HADHB: variants seen among roughly 807,000 people sequenced by gnomAD.
HADHB encodes the protein trifunctional enzyme subunit beta, mitochondrial.
HADHB carries 50 observed loss-of-function variants against 61.9 expected under a neutral mutation model. That is an observed-to-expected ratio of 0.81 (90% CI 0.64 to 1.02). The LOEUF (loss-of-function observed/expected upper bound fraction) is 1.02, where lower values mean the gene tolerates loss of function less well. Among genes scored for constraint, HADHB ranks in the 50% least tolerant of loss-of-function variants. The pLI, the probability that HADHB is intolerant of heterozygous loss-of-function variation, is 0.00. For missense variants in HADHB, 504 were observed against 586.5 expected (o/e 0.86, Z 1.45); for synonymous variants, 191 against 201.6 (o/e 0.95, Z 0.45).
intron 3 of HADHB, among the ~76,000 whole-genome samples, chr2:26,258,446 G>C (rs1671721597): frequency 6.6e-6 from 1 of 152,230 alleles, no homozygotes; most frequent in Admixed American, 6.5e-5. Context: ...ACGAACCTGG[G>C]CACTTGGCCG....
intron 15 of HADHB, 33 bp from the exon 16 acceptor site, chr2:26,289,885 C>T: frequency 6.6e-7 from 1 of 1,510,504 alleles, no homozygotes; most frequent in Non-Finnish European, 9.2e-7. Context: ...CATCACCATT[C>T]ATTGCTCTAA....
Position 26,282,986 on chromosome 2 carries a change from C to G in HADHB, c.1014-18C>G, listed in dbSNP as rs751832876. The G allele has an allele frequency of 1.3e-5, 21 of 1,605,952 alleles. No homozygotes were observed. The highest frequency in any genetic ancestry group is 2.2e-5 in the East Asian group (1 of 44,850). ...TTTATTTTATTACCAAAGCTCACCT[C>G]TCTATTTTTTTACCTAGGGATTTTA... On this transcript the variant is annotated intron_variant, in intron 11 of 15. Coordinates refer to ENST00000317799, the MANE Select transcript of HADHB (RefSeq NM_000183.3).
chr2:26,282,558 C>T (rs1020348018), intron 10 of HADHB, among the ~76,000 whole-genome samples: 1 of 152,194 alleles, frequency 6.6e-6, no homozygotes, highest in Non-Finnish European at 1.5e-5. Flanking sequence ...TGAGCCACCA[C>T]GCTTGGCCAT....
chr2:26,288,386 C>T (rs545679706), intron 15 of HADHB, among the ~76,000 whole-genome samples: 2 of 152,248 alleles, frequency 1.3e-5, no homozygotes, highest in East Asian at 3.9e-4. Flanking sequence ...CCTATCCCTG[C>T]TCTTTTTTTG....
chr2:26,284,499 G>T (rs1335544375), intron 13 of HADHB, among the ~76,000 whole-genome samples: 31 of 141,926 alleles, frequency 2.2e-4, no homozygotes, highest in African/African-American at 7.6e-4. Context: ...GTCTTGCTCT[G>T]TTGCCCCAGC....
chr2:26,258,225 G>A lies in HADHB; in HGVS notation c.109+3751G>A, dbSNP rs547780957. Among the ~76,000 whole-genome samples the A allele has an allele frequency of 1.3e-3, 196 of 152,220 alleles. 1 individual carries two copies. Among genetic ancestry groups the A allele is most frequent in the Non-Finnish European group, 2.3e-3 (159 of 68,008 alleles). ...CTGATAACTCAAGTCCCATTGTTAC[G>A]GGTGGGCCTTTGTTCTTAGAGCTCC... is the stretch of plus-strand genomic sequence containing the variant. On this transcript the variant is annotated intron_variant, in intron 3 of 15. Coordinates refer to ENST00000317799, the MANE Select transcript of HADHB (RefSeq NM_000183.3).
Position 26,290,109 on chromosome 2 carries a change from A to G in HADHB, c.*156A>G, listed in dbSNP as rs1265498069. On this transcript the variant is annotated 3_prime_UTR_variant, in exon 16 of 16. Coordinates refer to ENST00000317799, the MANE Select transcript of HADHB (RefSeq NM_000183.3). ...AAATAGTTTGCACTTAAGCCTTGCC[A>G]GTGTTCTGAGCTTTTCAATAATCAG... is the stretch of plus-strand genomic sequence containing the variant. 8 of 711,546 alleles carry G rather than the reference A, an allele frequency of 1.1e-5. No individual in the cohort carries two copies. Among genetic ancestry groups the G allele is most frequent in the Admixed American group, 1.9e-5 (1 of 52,624 alleles). The allele number at this position is 711,546 out of a possible 1,614,324, so 44.1% of individuals were successfully genotyped here.
intron 4 of HADHB, among the ~76,000 whole-genome samples, chr2:26,269,098 G>A (rs1402670171): frequency 6.6e-6 from 1 of 150,816 alleles, no homozygotes; most frequent in Non-Finnish European, 1.5e-5. Flanking sequence ...GCAGTGAGCT[G>A]AGATTGCGCC....
intron 14 of HADHB, 123 bp downstream of exon 14, chr2:26,285,080 A>G: frequency 1.5e-6 from 1 of 681,652 alleles, no homozygotes; most frequent in Non-Finnish European, 2.6e-6. Context: ...TTTGTCTTTC[A>G]TTAAAGATAT....
chr2:26,244,956 G>A lies in HADHB; in HGVS notation c.-43G>A, dbSNP rs761468805. On this transcript the variant is annotated 5_prime_UTR_variant, in exon 1 of 16. Coordinates refer to ENST00000317799, the MANE Select transcript of HADHB (RefSeq NM_000183.3). ...GCCTTGGTACTTGGACCTGAACCTT[G>A]CTCCGAGAGGGAGTCCTCGCGGACG... 7.0e-5 allele frequency: 23 copies of A among 326,792 alleles called. No individual in the cohort carries two copies. The highest frequency in any genetic ancestry group is 1.3e-4 in the Non-Finnish European group (21 of 166,576). The allele number at this position is 326,792 out of a possible 1,614,324, so 20.2% of individuals were successfully genotyped here.
intron 4 of HADHB, among the ~76,000 whole-genome samples, chr2:26,266,870 T>TAAAAAAAAAA (rs1326163569): frequency 7.2e-5 from 1 of 13,850 alleles, no homozygotes; most frequent in African/African-American, 2.9e-4. Flanking sequence ...ACACTCTCTC[T>TAAAAAAAAAA]CAAAAAAAAA....
chr2:26,264,491 A>C (rs995049626), intron 4 of HADHB, among the ~76,000 whole-genome samples: 1 of 142,516 alleles, frequency 7.0e-6, no homozygotes, highest in East Asian at 2.1e-4. Context: ...TCAAGGCTGC[A>C]GTGAGCCGTG....
At chr2:26,280,971 G>GGTAT (rs1409961478) in intron 10 of HADHB, among the ~76,000 whole-genome samples, 1 of 151,716 alleles carries the variant, frequency 6.6e-6, no homozygotes, top group African/African-American at 2.4e-5. Flanking sequence ...TGGAGCATAA[G>GGTAT]GTATGAACTG....
In HADHB at chr2:26,260,236, C is replaced by T. The variant is rs562697843; in HGVS notation, c.110-3144C>T. On this transcript the variant is annotated intron_variant, in intron 3 of 15. Coordinates refer to ENST00000317799, the MANE Select transcript of HADHB (RefSeq NM_000183.3). ...AGCTGGGATTATAGGAGCGTACCAC[C>T]GTGCCCAGCTAATTTTTGTATTTTT... Among the ~76,000 whole-genome samples, 7 of 151,924 alleles carry T rather than the reference C, an allele frequency of 4.6e-5. No individual in the cohort carries two copies. In the South Asian group the frequency reaches 8.3e-4, roughly 18 times the overall value.
chr2:26,281,255 G>A (rs992904302), intron 10 of HADHB, among the ~76,000 whole-genome samples: 6 of 151,936 alleles, frequency 3.9e-5, no homozygotes, highest in African/African-American at 1.2e-4. Context: ...ACCACCTTGG[G>A]TATAGTCTTC....
At chr2:26,281,428 C>T (rs1672782951) in intron 10 of HADHB, among the ~76,000 whole-genome samples, 1 of 152,142 alleles carries the variant, frequency 6.6e-6, no homozygotes, top group Non-Finnish European at 1.5e-5. Context: ...GGAGTAGTTC[C>T]AACAGGATGG....
At chr2:26,282,662 G>T (rs1416585439) in intron 10 of HADHB, among the ~76,000 whole-genome samples, 183 bp from the exon 11 acceptor site, 1 of 152,204 alleles carries the variant, frequency 6.6e-6, no homozygotes, top group Non-Finnish European at 1.5e-5. Flanking sequence ...CTCCAAAAAT[G>T]AGTCAGCGTG....
chr2:26,289,618 C>A (rs997051275), intron 15 of HADHB, among the ~76,000 whole-genome samples: 3 of 152,188 alleles, frequency 2.0e-5, no homozygotes, highest in Middle Eastern at 3.4e-3. Flanking sequence ...TATATGTATA[C>A]ATGTATATAT....
At chr2:26,283,117 T>C (rs1672867365) in intron 12 of HADHB, 66 bp downstream of exon 12, 2 of 992,534 alleles carry the variant, frequency 2.0e-6, no homozygotes, top group Non-Finnish European at 3.3e-6. Flanking sequence ...TTTATTATAC[T>C]GGTTAATAAA....
Sources: allele counts gnomAD v4.1 joint callset (sites outside exome capture counted in the v4.1 genomes callset), GRCh38; gene constraint gnomAD v4.1.1; transcripts MANE v1.5; gene names NCBI Gene and HGNC (gene_info 2026-07-23, HGNC 2026-07-21).